ATF7IP2: variants seen among roughly 807,000 people sequenced by gnomAD.
The protein encoded by ATF7IP2 is activating transcription factor 7 interacting protein 2, also known as activating transcription factor 7-interacting protein 2.
Under a neutral mutation model 64.2 loss-of-function variants are expected in ATF7IP2, and 42 were observed. The ratio of observed to expected loss-of-function variants is 0.65; its 90% CI spans 0.51 to 0.85. The LOEUF (loss-of-function observed/expected upper bound fraction) is 0.85, where lower values mean the gene tolerates loss of function less well. ATF7IP2 is among the 40% of genes least tolerant of loss of function. The pLI is 0.00. For missense variants in ATF7IP2, 933 were observed against 784.2 expected, an observed-to-expected ratio of 1.19 and a Z score of -2.27; for synonymous variants, 308 against 272.8, an observed-to-expected ratio of 1.13 and a Z score of -1.27.
rs770683200 is a variant in ATF7IP2, at chr16:10,457,430, T to C, written c.1253T>C (p.Ile418Thr). 2.5e-6 allele frequency: 4 copies of C among 1,607,786 alleles called. No homozygotes were observed. Among genetic ancestry groups the C allele is most frequent in the Admixed American group, 3.4e-5 (2 of 58,858 alleles). ...AATCTTGAGTCAGTTAATAGTCCAATTGAAAAGTCTTCTGTGAATTATGAG... is the reference window on the plus strand; with the variant it reads ...AATCTTGAGTCAGTTAATAGTCCAACTGAAAAGTCTTCTGTGAATTATGAG... ...DKNLESVNSPIEKSSVNYEPS... is the reference protein window; with the variant it reads ...DKNLESVNSPTEKSSVNYEPS... The change falls in exon 9 of 14, where the codon ATT (isoleucine) becomes ACT (threonine). Residue 418 changes from isoleucine to threonine, a missense_variant. Transcript: ENST00000562102.
chr16:10,425,395 T>A (rs1408410923), intron 3 of ATF7IP2, among the ~76,000 whole-genome samples: 1 of 151,674 alleles, frequency 6.6e-6, no homozygotes, highest in African/African-American at 2.4e-5. Context: ...GGTATTCAAT[T>A]CCATGCAATT....
intron 8 of ATF7IP2, among the ~76,000 whole-genome samples, chr16:10,450,157 A>C (rs2048938455): frequency 1.3e-5 from 2 of 152,264 alleles, no homozygotes; most frequent in Non-Finnish European, 1.5e-5. Flanking sequence ...ACTGAGTTCT[A>C]ATTTTATTGC....
intron 8 of ATF7IP2, chr16:10,447,755 T>C (rs2048857597): frequency 6.6e-6 from 1 of 152,158 alleles, no homozygotes; most frequent in Non-Finnish European, 1.5e-5. Flanking sequence ...TAAGGCAGTG[T>C]GGGTCAGCTA....
intron 8 of ATF7IP2, among the ~76,000 whole-genome samples, chr16:10,453,259 CTG>C (rs1221185579): frequency 6.6e-6 from 1 of 152,160 alleles, no homozygotes; most frequent in Non-Finnish European, 1.5e-5. Flanking sequence ...GTTGTGAAGA[CTG>C]TGGGAAAAAT....
rs372629364 is a variant in ATF7IP2, at chr16:10,453,767, GCCA to G, written c.1195-3600_1195-3598del. On this transcript the variant is annotated intron_variant, in intron 8 of 13. Transcript: ENST00000562102. The stretch of plus-strand genomic sequence containing the variant: ...CGAGTAGCTGGGATTACAGTCATGC[GCCA>G]CCACACCTGGCTAATTTTGTATTTT... Among the ~76,000 whole-genome samples the G allele has an allele frequency of 2.9e-3, 434 of 152,098 alleles. 3 individuals carry two copies. Among genetic ancestry groups the G allele is most frequent in the South Asian group, 0.011 (55 of 4,820 alleles).
At chr16:10,388,720 A>G (rs1280161265) in intron 1 of ATF7IP2, among the ~76,000 whole-genome samples, 2 of 152,230 alleles carry the variant, frequency 1.3e-5, no homozygotes, top group Admixed American at 6.5e-5. Context: ...GATATAAAAA[A>G]TATTTGTAGG....
intron 6 of ATF7IP2, 82 bp downstream of exon 6, chr16:10,433,731 G>C: frequency 6.8e-7 from 1 of 1,470,552 alleles, no homozygotes; most frequent in Non-Finnish European, 9.4e-7. Flanking sequence ...CCCCACAGTG[G>C]CATAATACAG....
chr16:10,466,337 C>A (rs1179068555), intron 9 of ATF7IP2, among the ~76,000 whole-genome samples: 1 of 152,140 alleles, frequency 6.6e-6, no homozygotes. Context: ...TGTGAACATT[C>A]TTTTACATGT....
chr16:10,418,937 A>G (rs751817027), intron 2 of ATF7IP2, among the ~76,000 whole-genome samples: 4 of 152,234 alleles, frequency 2.6e-5, no homozygotes, highest in African/African-American at 7.2e-5. Context: ...CCAACTGAAC[A>G]TAGTGTGGCC....
chr16:10,415,221 G>A (rs1167049104), intron 2 of ATF7IP2, among the ~76,000 whole-genome samples: 6 of 152,144 alleles, frequency 3.9e-5, no homozygotes, highest in African/African-American at 1.4e-4. Context: ...TACCTTACTT[G>A]AAGTTATACT....
rs1410999834 is a variant in ATF7IP2, at chr16:10,482,398, G to A, written c.*149G>A. On this transcript the variant is annotated 3_prime_UTR_variant, in exon 14 of 14. Coordinates refer to ENST00000562102, the MANE Select transcript of ATF7IP2 (RefSeq NM_001393719.1). ...CTCTTCTATATGTTTTAAGTGGCCA[G>A]TAATTTAATGAATTTCTGGTTTGTA... 3.4e-6 allele frequency: 2 copies of A among 580,146 alleles called. No homozygotes were observed. Among genetic ancestry groups the A allele is most frequent in the Non-Finnish European group, 5.9e-6 (2 of 339,800 alleles). 35.9% of individuals were successfully genotyped at this position (580,146 alleles called of 1,614,324 possible).
At chr16:10,473,731 A>G (rs912546828) in intron 11 of ATF7IP2, among the ~76,000 whole-genome samples, 192 bp from the exon 12 acceptor site, 1 of 152,196 alleles carries the variant, frequency 6.6e-6, no homozygotes, top group Non-Finnish European at 1.5e-5. Context: ...ATATTCTCAG[A>G]AACCATTTAG....
At chr16:10,414,697 G>T (rs2047837491) in intron 2 of ATF7IP2, 85 bp downstream of exon 2, 3 of 147,436 alleles carry the variant, frequency 2.0e-5, no homozygotes, top group South Asian at 2.2e-4. Context: ...AAGGAACCTT[G>T]TTTTGTCATA....
rs544504105 is a variant in ATF7IP2, at chr16:10,481,685, G to T, written c.1636-151G>T. ...TATAGAAATCTTAAATCCAAAAGAGGATTCTGCTTAAAGGACTGGATCCAG... is the reference window on the plus strand; with the variant it reads ...TATAGAAATCTTAAATCCAAAAGAGTATTCTGCTTAAAGGACTGGATCCAG... On this transcript the variant is annotated intron_variant, in intron 13 of 13. Transcript: ENST00000562102. 1.9e-5 allele frequency: 12 copies of T among 632,772 alleles called. No homozygotes were observed. In the South Asian group the frequency reaches 2.2e-4, roughly 12 times the overall value. 39.2% of individuals were successfully genotyped at this position (632,772 alleles called of 1,614,324 possible).
intron 9 of ATF7IP2, among the ~76,000 whole-genome samples, chr16:10,469,365 G>C (rs1333118323): frequency 2.6e-5 from 4 of 152,018 alleles, no homozygotes; most frequent in East Asian, 1.9e-4. Flanking sequence ...GTATCACTAA[G>C]GCAGGAGCTG....
At chr16:10,388,836 C>A (rs1471665640) in intron 1 of ATF7IP2, among the ~76,000 whole-genome samples, 1 of 151,738 alleles carries the variant, frequency 6.6e-6, no homozygotes, top group Non-Finnish European at 1.5e-5. Context: ...TGGTGAAACC[C>A]CGTCTCCACT....
intron 1 of ATF7IP2, among the ~76,000 whole-genome samples, chr16:10,406,693 A>G (rs935516136): frequency 6.6e-6 from 1 of 152,166 alleles, no homozygotes; most frequent in Non-Finnish European, 1.5e-5. Context: ...GGCACATACA[A>G]CCTACAAAGA....
At chr16:10,409,402 G>T (rs1411894794) in intron 1 of ATF7IP2, among the ~76,000 whole-genome samples, 3 of 151,954 alleles carry the variant, frequency 2.0e-5, no homozygotes, top group Non-Finnish European at 4.4e-5. Context: ...CCTTTGAAGA[G>T]GAATTTATTA....
intron 8 of ATF7IP2, among the ~76,000 whole-genome samples, chr16:10,442,109 C>G (rs780242100): frequency 2.2e-4 from 34 of 152,168 alleles, no homozygotes; most frequent in Non-Finnish European, 4.3e-4. Flanking sequence ...GATAAAGAAC[C>G]AGGAAGTTTG....
Sources: allele counts gnomAD v4.1 joint callset (sites outside exome capture counted in the v4.1 genomes callset), GRCh38; gene constraint gnomAD v4.1.1; transcripts MANE v1.5; gene names NCBI Gene and HGNC (gene_info 2026-07-23, HGNC 2026-07-21).